The following FRRS1 variants were observed in gnomAD, a reference collection of about 807,000 sequenced individuals.
The protein encoded by FRRS1 is ferric chelate reductase 1, also known as ferric reductase 1.
Under a neutral mutation model 70.7 loss-of-function variants are expected in FRRS1, and 51 were observed. The ratio of observed to expected loss-of-function variants is 0.72; its 90% CI spans 0.58 to 0.91. The LOEUF (loss-of-function observed/expected upper bound fraction) is 0.91, where lower values mean the gene tolerates loss of function less well. Ranked by LOEUF, FRRS1 falls within the 40% of genes least tolerant of loss-of-function variation. The pLI is 0.00. For missense variants in FRRS1, 672 were observed against 726.0 expected, an observed-to-expected ratio of 0.93 and a Z score of 0.86; for synonymous variants, 225 against 238.7, an observed-to-expected ratio of 0.94 and a Z score of 0.53.
chr1:99,751,002 T>C (rs1251710493), intron 1 of FRRS1, among the ~76,000 whole-genome samples: 1 of 152,268 alleles, frequency 6.6e-6, no homozygotes, highest in Admixed American at 6.5e-5. Flanking sequence ...CTAAAAGAGG[T>C]TAGCATCCCA....
At chr1:99,756,195 A>C (rs1266357313) in intron 1 of FRRS1, among the ~76,000 whole-genome samples, 1 of 152,228 alleles carries the variant, frequency 6.6e-6, no homozygotes, top group Non-Finnish European at 1.5e-5. Context: ...TTAAATTAAT[A>C]TTCCCATTCT....
rs557427641 is a variant in FRRS1, at chr1:99,735,858, A to T, written c.759+2228T>A. 5.3e-5 allele frequency among the ~76,000 whole-genome samples: 8 copies of T among 152,332 alleles called. No homozygotes were observed. In the South Asian group the frequency reaches 1.4e-3, roughly 28 times the overall value. ...CAGTAACAGTCTTTCCCTCTTGCTT[A>T]CAGGTTTTACGTAACCAGTAAAAGG... is the stretch of plus-strand genomic sequence containing the variant. On this transcript the variant is annotated intron_variant, in intron 7 of 16. Coordinates refer to ENST00000646001, the MANE Select transcript of FRRS1 (RefSeq NM_001361041.2).
chr1:99,747,208 G>C (rs2100979992), intron 4 of FRRS1, 86 bp downstream of exon 4: 2 of 1,087,574 alleles, frequency 1.8e-6, no homozygotes, highest in Non-Finnish European at 2.7e-6. Context: ...GGAGTCAAAA[G>C]TTATACACAG....
chr1:99,712,435 T>G lies in FRRS1; in HGVS notation c.1404A>C (p.Pro468=), dbSNP rs749189793. The G allele has an allele frequency of 1.2e-6, 2 of 1,611,128 alleles. No individual in the cohort carries two copies. The highest frequency in any genetic ancestry group is 2.2e-5 in the South Asian group (2 of 90,742). ...VLQPLLAVFR[P]PLHDPRRQMF... ...CTAAGTACCTTGGGTCATGTAAAGG[T>G]GGCCTGAAGACTGCCAGAAGAGGCT... The change falls in exon 13 of 17, where the codon CCA becomes CCC. Residue 468 remains proline (P), a synonymous_variant. Coordinates refer to ENST00000646001, the MANE Select transcript of FRRS1 (RefSeq NM_001361041.2).
chr1:99,729,624 G>T (rs1212848536), intron 8 of FRRS1, 26 bp downstream of exon 8: 1 of 1,438,426 alleles, frequency 7.0e-7, no homozygotes, highest in South Asian at 1.2e-5. Flanking sequence ...TCTCCAGGTG[G>T]AGGTTCTCAG....
At chr1:99,718,247 T>G (rs1407362074) in intron 10 of FRRS1, among the ~76,000 whole-genome samples, 1 of 152,246 alleles carries the variant, frequency 6.6e-6, no homozygotes, top group Non-Finnish European at 1.5e-5. Flanking sequence ...AATCCCATCT[T>G]TTTAACTATA....
Position 99,729,075 on chromosome 1 carries a change from T to G in FRRS1, c.859-435A>C, listed in dbSNP as rs143364851. The stretch of plus-strand genomic sequence containing the variant: ...CCCATGGGAAGGCTGTGCACAGTTA[T>G]GTCATTAAGTAATAGCTACTGCTCC... On this transcript the variant is annotated intron_variant, in intron 8 of 16. Transcript: ENST00000646001. 2.2e-3 allele frequency among the ~76,000 whole-genome samples: 331 copies of G among 152,348 alleles called. 4 individuals are homozygous for G. Among genetic ancestry groups the G allele is most frequent in the East Asian group, 0.015 (76 of 5,186 alleles).
intron 6 of FRRS1, 107 bp downstream of exon 6, chr1:99,740,686 C>T: frequency 1.3e-6 from 1 of 756,742 alleles, no homozygotes; most frequent in Non-Finnish European, 2.3e-6. Context: ...ATTCCAAGCA[C>T]TTTGTGACTC....
At chr1:99,762,467 C>A (rs1657151953) in intron 1 of FRRS1, among the ~76,000 whole-genome samples, 1 of 146,124 alleles carries the variant, frequency 6.8e-6, no homozygotes, top group Non-Finnish European at 1.5e-5. Context: ...TTCTTTCTTT[C>A]TTTTTTTTTC....
intron 6 of FRRS1, 78 bp from the exon 7 acceptor site, chr1:99,738,346 C>T (rs10875245): frequency 0.05 from 51,143 of 1,021,508 alleles, 2,587 homozygotes; most frequent in African/African-American, 0.17. Flanking sequence ...GAATAACTAC[C>T]TTCAAGTACG....
intron 10 of FRRS1, among the ~76,000 whole-genome samples, chr1:99,717,989 T>C (rs1366371824): frequency 1.3e-5 from 2 of 152,212 alleles, no homozygotes; most frequent in Non-Finnish European, 2.9e-5. Flanking sequence ...CAAAAGGCAG[T>C]GAAAAACAAT....
intron 9 of FRRS1, among the ~76,000 whole-genome samples, chr1:99,721,929 A>G (rs1019283973): frequency 1.3e-5 from 2 of 152,036 alleles, no homozygotes; most frequent in African/African-American, 2.4e-5. Context: ...AAATATTTCC[A>G]TCCAACATCC....
chr1:99,754,505 G>A (rs571862284), intron 1 of FRRS1, among the ~76,000 whole-genome samples: 1 of 90,704 alleles, frequency 1.1e-5, no homozygotes, highest in African/African-American at 5.9e-5. Context: ...GAGAGAGAGA[G>A]AAAGAGAGAG....
At chr1:99,730,175 A>G (rs912643156) in intron 7 of FRRS1, among the ~76,000 whole-genome samples, 4 of 152,160 alleles carry the variant, frequency 2.6e-5, no homozygotes, top group African/African-American at 9.7e-5. Context: ...TTTATTTATT[A>G]ATAAATATCT....
intron 8 of FRRS1, 136 bp downstream of exon 8, chr1:99,729,514 C>G (rs960356980): frequency 8.7e-5 from 48 of 551,752 alleles, no homozygotes; most frequent in Non-Finnish European, 1.4e-4. Context: ...GAGAGGAGCC[C>G]TGCTGGCAGG....
At chr1:99,730,562 A>T (rs978993525) in intron 7 of FRRS1, among the ~76,000 whole-genome samples, 4 of 152,080 alleles carry the variant, frequency 2.6e-5, no homozygotes, top group Admixed American at 6.6e-5. Flanking sequence ...TCCTAAAAAA[A>T]ATTTTTTAAA....
chr1:99,736,707 C>T (rs568722739), intron 7 of FRRS1, among the ~76,000 whole-genome samples: 2 of 148,586 alleles, frequency 1.3e-5, no homozygotes, highest in Non-Finnish European at 3.0e-5. Flanking sequence ...CAACATGGCA[C>T]ATGTATACAT....
chr1:99,747,241 G>A (rs2100980062), intron 4 of FRRS1, 53 bp downstream of exon 4: 3 of 1,434,662 alleles, frequency 2.1e-6, no homozygotes, highest in Non-Finnish European at 2.9e-6. Flanking sequence ...CCCAGGGGTG[G>A]GGTCTGCACC....
chr1:99,722,232 C>A (rs1259118131), intron 9 of FRRS1, among the ~76,000 whole-genome samples: 1 of 152,074 alleles, frequency 6.6e-6, no homozygotes, highest in African/African-American at 2.4e-5. Flanking sequence ...TGGTCTCAAA[C>A]TCCTGGGCTC....
Sources: allele counts gnomAD v4.1 joint callset (sites outside exome capture counted in the v4.1 genomes callset), GRCh38; gene constraint gnomAD v4.1.1; transcripts MANE v1.5; gene names NCBI Gene and HGNC (gene_info 2026-07-23, HGNC 2026-07-21).